The following SORCS2 variants were observed in gnomAD, a reference collection of about 807,000 sequenced individuals.
SORCS2 encodes sortilin related VPS10 domain containing receptor 2, also known as VPS10 domain-containing receptor SorCS2.
SORCS2 carries 100 observed loss-of-function variants against 141.6 expected under a neutral mutation model. The ratio of observed to expected loss-of-function variants is 0.71; its 90% CI spans 0.60 to 0.83. The LOEUF (loss-of-function observed/expected upper bound fraction) is 0.83. Ranked by LOEUF, SORCS2 falls within the 40% of genes least tolerant of loss-of-function variation. The probability of loss-of-function intolerance (pLI) is 0.00; values close to 1 mark genes in which losing one functional copy is unlikely to be tolerated. For missense variants in SORCS2, 1,646 were observed against 1,560.2 expected (o/e 1.05, Z -0.93); for synonymous variants, 789 against 676.9 (o/e 1.17, Z -2.57).
intron 2 of SORCS2, among the ~76,000 whole-genome samples, chr4:7,473,850 TC>T (rs941219757): frequency 1.4e-4 from 22 of 152,046 alleles, no homozygotes; most frequent in Admixed American, 9.2e-4. Context: ...TCTGGCGGGG[TC>T]TGGGGGGAGA....
chr4:7,222,060 C>A (rs11724245), intron 1 of SORCS2, among the ~76,000 whole-genome samples: 35,797 of 151,820 alleles, frequency 0.24, 4,386 homozygotes, highest in East Asian at 0.44. Flanking sequence ...CTTTGGAGCC[C>A]ACCAGACAAG....
chr4:7,533,049 C>T (rs551575628), intron 3 of SORCS2, among the ~76,000 whole-genome samples: 15 of 152,190 alleles, frequency 9.9e-5, no homozygotes, highest in Admixed American at 5.2e-4. Context: ...TTCACACACC[C>T]GATCTCTTTC....
intron 1 of SORCS2, among the ~76,000 whole-genome samples, chr4:7,316,986 T>C (rs1224240891): frequency 6.6e-6 from 1 of 152,184 alleles, no homozygotes; most frequent in African/African-American, 2.4e-5. Context: ...AAGTTCTGAA[T>C]GCAAGCGCCC....
chr4:7,309,664 C>T (rs1005802804), intron 1 of SORCS2, among the ~76,000 whole-genome samples: 2 of 152,164 alleles, frequency 1.3e-5, no homozygotes, highest in African/African-American at 4.8e-5. Flanking sequence ...GAATGGAATT[C>T]GGTTTGAGGA....
rs1712588020 is a variant in SORCS2, at chr4:7,740,514, T to C, written c.*250T>C. On this transcript the variant is annotated 3_prime_UTR_variant, in exon 27 of 27. Transcript: ENST00000507866. ...GACACCAGGCCTGACTCAGGCAGGTTCTGCCCCCCAGACCCCACACACGGC... is the reference window on the plus strand; with the variant it reads ...GACACCAGGCCTGACTCAGGCAGGTCCTGCCCCCCAGACCCCACACACGGC... The C allele has an allele frequency of 1.8e-6, 1 of 546,956 alleles. No individual in the cohort carries two copies. Among genetic ancestry groups the C allele is most frequent in the Non-Finnish European group, 3.3e-6 (1 of 302,168 alleles). 33.9% of individuals were successfully genotyped at this position (546,956 alleles called of 1,614,324 possible). A position where few individuals can be genotyped will look rare whatever the true frequency, so the allele number is the denominator to read the frequency against.
chr4:7,193,159 T>C lies in SORCS2; in HGVS notation c.480+33T>C. The C allele has an allele frequency of 6.8e-7, 1 of 1,474,752 alleles. No homozygotes were observed. The highest frequency in any genetic ancestry group is 8.9e-7 in the Non-Finnish European group (1 of 1,119,004). 91.4% of individuals were successfully genotyped at this position (1,474,752 alleles called of 1,614,324 possible). A position where few individuals can be genotyped will look rare whatever the true frequency, so the allele number is the denominator to read the frequency against. ...ACCTCCACGCGCTCGCCGCGGCCCC[T>C]ACCCGGGACACCGCGGGACACCCGG... On this transcript the variant is annotated intron_variant, in intron 1 of 26. Coordinates refer to ENST00000507866, the MANE Select transcript of SORCS2 (RefSeq NM_020777.3). This position sits in a 1 kb window ranked among gnomAD's most constrained non-coding sequence, Gnocchi z 4.8.
intron 2 of SORCS2, among the ~76,000 whole-genome samples, chr4:7,407,467 C>T (rs1202066262): frequency 6.6e-6 from 1 of 152,060 alleles, no homozygotes; most frequent in Non-Finnish European, 1.5e-5. Context: ...CTTTGATTTG[C>T]AGCCTATTTC....
At chr4:7,621,128 T>A (rs1270269810) in intron 3 of SORCS2, among the ~76,000 whole-genome samples, 2 of 152,030 alleles carry the variant, frequency 1.3e-5, no homozygotes, top group Admixed American at 1.3e-4. Flanking sequence ...TGGGGGTAGG[T>A]CATGTCCATC....
intron 1 of SORCS2, among the ~76,000 whole-genome samples, chr4:7,372,952 A>C (rs894575402): frequency 1.3e-5 from 2 of 148,260 alleles, no homozygotes; most frequent in Non-Finnish European, 3.0e-5. Flanking sequence ...CGTGTGAATG[A>C]GGCACAGTTT....
chr4:7,597,293 A>G (rs1026967085), intron 3 of SORCS2, among the ~76,000 whole-genome samples: 12 of 150,522 alleles, frequency 8.0e-5, no homozygotes, highest in Non-Finnish European at 1.6e-4. Flanking sequence ...GGCGATTGCA[A>G]TCGGAGATGG....
chr4:7,715,434 A>T, intron 17 of SORCS2, 123 bp downstream of exon 17: 2 of 1,424,708 alleles, frequency 1.4e-6, no homozygotes, highest in Non-Finnish European at 1.9e-6. Flanking sequence ...TCGGGGAAAG[A>T]GAGGTCAAAG....
intron 1 of SORCS2, among the ~76,000 whole-genome samples, chr4:7,329,328 G>A (rs1719493975): frequency 6.6e-6 from 1 of 152,238 alleles, no homozygotes; most frequent in Non-Finnish European, 1.5e-5. Flanking sequence ...GTATGTGGGA[G>A]CCAGGAGGAG....
Position 7,218,423 on chromosome 4 carries a change from A to C in SORCS2, c.480+25297A>C, listed in dbSNP as rs112837952. Among the ~76,000 whole-genome samples the C allele has an allele frequency of 4.1e-3, 630 of 152,226 alleles. 4 individuals carry two copies. The highest frequency in any genetic ancestry group is 0.014 in the African/African-American group (599 of 41,520). ...TTAATTACCTGGAAATTGCATGAGG[A>C]TTTTTGCCTGAAAAGTTTTTTTCTT... On this transcript the variant is annotated intron_variant, in intron 1 of 26. Transcript: ENST00000507866.
chr4:7,406,947 C>T (rs1448333951), intron 2 of SORCS2, among the ~76,000 whole-genome samples: 4 of 151,866 alleles, frequency 2.6e-5, no homozygotes, highest in Admixed American at 6.6e-5. Context: ...ACCCATTGGC[C>T]GTTCAGGAGC....
chr4:7,259,551 G>A (rs1714171695), intron 1 of SORCS2, among the ~76,000 whole-genome samples: 1 of 152,212 alleles, frequency 6.6e-6, no homozygotes, highest in South Asian at 2.1e-4. Context: ...GCCCAGGGGT[G>A]GCCCTTGGTG....
At chr4:7,456,142 A>G (rs929830433) in intron 2 of SORCS2, among the ~76,000 whole-genome samples, 20 of 152,164 alleles carry the variant, frequency 1.3e-4, no homozygotes, top group Admixed American at 1.2e-3. Context: ...TAAGGACATC[A>G]GTCCAGTTGG....
chr4:7,529,160 A>G (rs1195350571), intron 2 of SORCS2, among the ~76,000 whole-genome samples: 1 of 152,018 alleles, frequency 6.6e-6, no homozygotes, highest in African/African-American at 2.4e-5. Context: ...AGCCCGTCCA[A>G]ATGCCTTTCC....
intron 14 of SORCS2, among the ~76,000 whole-genome samples, chr4:7,711,735 T>C (rs548610803): frequency 6.6e-6 from 1 of 152,346 alleles, no homozygotes; most frequent in African/African-American, 2.4e-5. Flanking sequence ...CTGTGTGACC[T>C]TGGGCAAGTT....
intron 19 of SORCS2, among the ~76,000 whole-genome samples, chr4:7,724,600 G>A (rs867399330): frequency 4.9e-4 from 54 of 109,654 alleles, no homozygotes; most frequent in South Asian, 6.4e-4. Flanking sequence ...GTTGGTGATG[G>A]TGGTGATAGT....
Sources: allele counts gnomAD v4.1 joint callset (sites outside exome capture counted in the v4.1 genomes callset), GRCh38; gene constraint gnomAD v4.1.1; non-coding constraint Gnocchi (gnomAD v3.1); transcripts MANE v1.5; gene names NCBI Gene and HGNC (gene_info 2026-07-23, HGNC 2026-07-21).